The following ANKRD24 variants were observed in gnomAD, a reference collection of about 807,000 sequenced individuals.
ANKRD24 encodes ankyrin repeat domain 24, also known as ankyrin repeat domain-containing protein 24.
ANKRD24 carries 109 observed loss-of-function variants against 127.8 expected under a neutral mutation model. The ratio of observed to expected loss-of-function variants is 0.85; its 90% CI spans 0.73 to 1.00. ANKRD24 has a LOEUF of 1.00. ANKRD24 is among the 50% of genes least tolerant of loss of function. ANKRD24 has a pLI of 0.00. For synonymous variants in ANKRD24, 743 were observed against 671.1 expected, an observed-to-expected ratio of 1.11 and a Z score of -1.66; for missense variants, 1,648 against 1,570.2, an observed-to-expected ratio of 1.05 and a Z score of -0.84.
chr19:4,186,994 C>G (rs534127170), intron 2 of ANKRD24, among the ~76,000 whole-genome samples: 1 of 152,028 alleles, frequency 6.6e-6, no homozygotes, highest in African/African-American at 2.4e-5. Flanking sequence ...TATTTTGTGT[C>G]GCAAAGACAG....
intron 2 of ANKRD24, among the ~76,000 whole-genome samples, chr19:4,190,102 A>G (rs1968297762): frequency 6.6e-6 from 1 of 152,014 alleles, no homozygotes. Flanking sequence ...ATGATAGTTG[A>G]CCCTTGAACA....
rs117519898 is a variant in ANKRD24, at chr19:4,185,567, C to T, written c.-36-823C>T. On this transcript the variant is annotated intron_variant, in intron 1 of 21. Coordinates refer to ENST00000318934, the MANE Select transcript of ANKRD24 (RefSeq NM_001393985.1). ...CCTCAAGATAGGCCTGCCTGACCTCCGTGCCTGCCCATGCGGAACGTAGAA... is the reference window on the plus strand; with the variant it reads ...CCTCAAGATAGGCCTGCCTGACCTCTGTGCCTGCCCATGCGGAACGTAGAA... Among the ~76,000 whole-genome samples, 1,115 of 152,340 alleles carry T rather than the reference C, an allele frequency of 7.3e-3. 7 individuals are homozygous for T. The highest frequency in any genetic ancestry group is 0.011 in the Admixed American group (163 of 15,300).
chr19:4,216,000 A>G lies in ANKRD24; in HGVS notation c.1220A>G (p.Tyr407Cys). ...LLENERENTS[Y>C]DVTTLQDEEG... ...CAGAACGAGCGGGAGAATACTAGCT[A>G]TGACGTAACCACCCTGCAGGATGAG... is the stretch of plus-strand genomic sequence containing the variant. The change falls in exon 16 of 22, where the codon TAT becomes TGT. Residue 407 changes from tyrosine (Y) to cysteine (C), a missense_variant. Physicochemically the swap from Tyr to Cys is radical, Grantham distance 194 (BLOSUM62 -2). Coordinates refer to ENST00000318934, the MANE Select transcript of ANKRD24 (RefSeq NM_001393985.1). 6.3e-7 allele frequency: 1 copy of G among 1,599,982 alleles called. No individual in the cohort carries two copies. Among genetic ancestry groups the G allele is most frequent in the East Asian group, 2.3e-5 (1 of 44,046 alleles).
intron 1 of ANKRD24, among the ~76,000 whole-genome samples, chr19:4,185,988 AAAAG>A (rs1968039711): frequency 6.6e-6 from 1 of 152,290 alleles, no homozygotes; most frequent in Admixed American, 6.5e-5. Flanking sequence ...CAGAGAAGAA[AAAAG>A]AAACCATTCT....
At chr19:4,222,892 G>T in intron 20 of ANKRD24, 97 bp downstream of exon 20, 1 of 1,365,800 alleles carries the variant, frequency 7.3e-7, no homozygotes, top group Non-Finnish European at 9.6e-7. Flanking sequence ...CCCAGGAGAG[G>T]GGCTGGGGTA....
In ANKRD24 at chr19:4,219,597, C is replaced by T. The variant is rs1337562891; in HGVS notation, c.3010C>T (p.Arg1004Cys). 9 of 1,608,910 alleles carry T rather than the reference C, an allele frequency of 5.6e-6. 1 individual carries two copies. Among genetic ancestry groups the T allele is most frequent in the East Asian group, 4.5e-5 (2 of 44,770 alleles). ...KTSAEVFQVQ[R>C]EALFMKSERH... ...GCGTGGGCTTGGGCCACAGGTGCAG[C>T]GTGAGGCCCTGTTCATGAAGAGTGA... The change falls in exon 19 of 22, where the codon CGT becomes TGT. Residue 1004 changes from arginine to cysteine, a missense_variant. By Grantham distance (180) the Arg-to-Cys change is radical. Coordinates refer to ENST00000318934, the MANE Select transcript of ANKRD24 (RefSeq NM_001393985.1).
At position 4,212,171 on chromosome 19, in the gene ANKRD24, G is replaced by A. The variant is rs199797861; in HGVS notation, c.1060-304G>A. ...GCCGAGATCACACCACTGCACTCCA[G>A]CCTGGGGGACAGAGTGAGATTCCAT... On this transcript the variant is annotated intron_variant, in intron 13 of 21. Coordinates refer to ENST00000318934, the MANE Select transcript of ANKRD24 (RefSeq NM_001393985.1). Among the ~76,000 whole-genome samples, 370 of 152,258 alleles carry A rather than the reference G, an allele frequency of 2.4e-3. 2 individuals are homozygous for A. Among genetic ancestry groups the A allele is most frequent in the Middle Eastern group, 6.8e-3 (2 of 294 alleles).
chr19:4,209,098 C>T, intron 11 of ANKRD24: 1 of 297,562 alleles, frequency 3.4e-6, no homozygotes, highest in African/African-American at 2.2e-5. Context: ...GCCTCTTCCC[C>T]TCTTTCAGTT....
In ANKRD24 at chr19:4,217,625, G is replaced by T. The variant is rs1599463376; in HGVS notation, c.2465G>T (p.Arg822Leu). The change falls in exon 18 of 22, where the codon CGG becomes CTG. Residue 822 changes from arginine to leucine, a missense_variant. Coordinates refer to ENST00000318934, the MANE Select transcript of ANKRD24 (RefSeq NM_001393985.1). ...SACLDEARAS[R>L]LLAEEEARGL... ...TGCCTGGATGAGGCTCGGGCCAGCC[G>T]GCTGCTGGCGGAGGAGGAGGCGCGG... is the stretch of plus-strand genomic sequence containing the variant. The T allele has an allele frequency of 7.8e-7, 1 of 1,287,180 alleles. No homozygotes were observed. The highest frequency in any genetic ancestry group is 3.3e-5 in the East Asian group (1 of 30,268). The allele number at this position is 1,287,180 out of a possible 1,614,324, so 79.7% of individuals were successfully genotyped here. A position where few individuals can be genotyped will look rare whatever the true frequency, so the allele number is the denominator to read the frequency against.
chr19:4,183,232 G>C (rs936722375), intron 1 of ANKRD24: 1 of 858,968 alleles, frequency 1.2e-6, no homozygotes, highest in African/African-American at 1.8e-5. Flanking sequence ...TGACCGCCTC[G>C]GCCTCCCAAA....
rs761721324 is a variant in ANKRD24 at position 4,217,077 on chromosome 19, G to A, written c.1917G>A (p.Gly639=). The stretch of plus-strand genomic sequence containing the variant: ...AGACCACGGGAGTGGAGGCCATGGG[G>A]GTGGAGGCCACAAAAACAAAAGCAG... ...DTETTGVEAM[G]VEATKTKAEE... Residue 639 remains glycine (G), a synonymous_variant, in exon 18 of 22, where the codon GGG becomes GGA. Coordinates refer to ENST00000318934, the MANE Select transcript of ANKRD24 (RefSeq NM_001393985.1). The A allele has an allele frequency of 4.2e-5, 68 of 1,613,646 alleles. No homozygotes were observed. In the East Asian group the frequency reaches 1.4e-3, roughly 33 times the overall value.
At chr19:4,202,817 A>G (rs1365970956) in intron 6 of ANKRD24, 52 bp from the exon 7 acceptor site, 18 of 1,547,454 alleles carry the variant, frequency 1.2e-5, no homozygotes, top group Non-Finnish European at 1.5e-5. Context: ...TCCTAGAGAA[A>G]TCAGGCAGCA....
chr19:4,188,269 A>T (rs1009297456), intron 2 of ANKRD24, among the ~76,000 whole-genome samples: 1 of 150,860 alleles, frequency 6.6e-6, no homozygotes, highest in African/African-American at 2.4e-5. Flanking sequence ...TAGAGGCAGG[A>T]CTTCACCATG....
At chr19:4,222,911 G>GT in intron 20 of ANKRD24, 116 bp downstream of exon 20, 1 of 1,240,566 alleles carries the variant, frequency 8.1e-7, no homozygotes, top group Non-Finnish European at 1.1e-6. Flanking sequence ...TAGGCAGGTG[G>GT]GGTCCACATC....
chr19:4,222,859 A>T, intron 20 of ANKRD24, 64 bp downstream of exon 20: 1 of 1,501,354 alleles, frequency 6.7e-7, no homozygotes, highest in South Asian at 1.3e-5. Context: ...ATATTTACCA[A>T]TCAGCACAGC....
At chr19:4,200,051 C>CTTGCG (rs1218311241) in intron 4 of ANKRD24, 32 bp from the exon 5 acceptor site, 1 of 1,570,134 alleles carries the variant, frequency 6.4e-7, no homozygotes, top group Admixed American at 1.9e-5. Flanking sequence ...GGGTGGCAAC[C>CTTGCG]TTGCGGCTGA....
rs1216636459 is a variant in ANKRD24, at chr19:4,216,215, C to T, written c.1271-69C>T. 7 of 1,471,758 alleles carry T rather than the reference C, an allele frequency of 4.8e-6. No individual in the cohort carries two copies. The Admixed American group carries it at 1.4e-4, about 29-fold the overall frequency. 91.2% of individuals were successfully genotyped at this position (1,471,758 alleles called of 1,614,324 possible). A position where few individuals can be genotyped will look rare whatever the true frequency, so the allele number is the denominator to read the frequency against. On this transcript the variant is annotated intron_variant, in intron 16 of 21. Transcript: ENST00000318934. ...CTGCCCTGGGAACCCTGATCCACCACTCCAGCCCCCCACCTCCTGTCCCCC... is the reference window on the plus strand; with the variant it reads ...CTGCCCTGGGAACCCTGATCCACCATTCCAGCCCCCCACCTCCTGTCCCCC...
At chr19:4,196,943 C>T (rs1448757496) in intron 2 of ANKRD24, among the ~76,000 whole-genome samples, 2 of 152,108 alleles carry the variant, frequency 1.3e-5, no homozygotes, top group African/African-American at 4.8e-5. Flanking sequence ...GGAAATTGAC[C>T]GGAAATGGCT....
chr19:4,217,560 CCGGGACTCCCGCCTG>C lies in ANKRD24; in HGVS notation c.2406_2420del (p.Asp802_Arg806del). The C allele has an allele frequency of 7.6e-7, 1 of 1,314,332 alleles. No homozygotes were observed. The highest frequency in any genetic ancestry group is 2.0e-5 in the South Asian group (1 of 49,130). 81.4% of individuals were successfully genotyped at this position (1,314,332 alleles called of 1,614,324 possible). A position where few individuals can be genotyped will look rare whatever the true frequency, so the allele number is the denominator to read the frequency against. The stretch of plus-strand genomic sequence containing the variant: ...AGCAGGCCCGGGAGGACCTCCGAGA[CCGGGACTCCCGCCTG>C]CGGGAGCTGGAGGCGGCCTCGGCCT... On this transcript the variant is annotated inframe_deletion, in exon 18 of 22. Coordinates refer to ENST00000318934, the MANE Select transcript of ANKRD24 (RefSeq NM_001393985.1).
Sources: gnomAD v4.1 joint callset for allele counts (sites outside exome capture counted in the v4.1 genomes callset) on GRCh38, gnomAD v4.1.1 for gene constraint, MANE v1.5 for transcripts, NCBI Gene and HGNC (gene_info 2026-07-23, HGNC 2026-07-21) for gene names.